Variants in LRIG1 observed in about 807,000 individuals in gnomAD.
LRIG1 encodes the protein leucine-rich repeats and immunoglobulin-like domains protein 1.
LRIG1 carries 48 observed loss-of-function variants against 99.2 expected under a neutral mutation model. The ratio of observed to expected loss-of-function variants is 0.48; its 90% CI spans 0.38 to 0.62. The LOEUF (loss-of-function observed/expected upper bound fraction) is 0.62. Among genes scored for constraint, LRIG1 ranks in the 20% least tolerant of loss-of-function variants. The pLI is 0.00. For synonymous variants in LRIG1, 772 were observed against 596.1 expected, an observed-to-expected ratio of 1.29 and a Z score of -4.30; for missense variants, 1,646 against 1,434.4, an observed-to-expected ratio of 1.15 and a Z score of -2.38.
intron 17 of LRIG1, 93 bp downstream of exon 17, chr3:66,381,386 C>A: frequency 7.7e-7 from 1 of 1,296,210 alleles, no homozygotes; most frequent in Admixed American, 1.9e-5. Flanking sequence ...CAGCTGTGGA[C>A]TAGGAATGTG....
Position 66,405,293 on chromosome 3 carries a change from G to T in LRIG1, c.1080-15C>A, listed in dbSNP as rs1291100116. On this transcript the variant is annotated splice_polypyrimidine_tract_variant and intron_variant, in intron 8 of 18. Transcript: ENST00000273261. ...GGTCCAGATCCCTGGGGAGAGGACA[G>T]AAAGCAGCTCACCGAGCAGTCGGGG... 6.2e-7 allele frequency: 1 copy of T among 1,606,664 alleles called. No homozygotes were observed. The highest frequency in any genetic ancestry group is 8.5e-7 in the Non-Finnish European group (1 of 1,173,326).
Position 66,500,267 on chromosome 3 carries a change from G to C in LRIG1, c.141C>G (p.Cys47Trp). Residue 47 changes from cysteine (C) to tryptophan (W), a missense_variant, in exon 1 of 19, where the codon TGC becomes TGG. By Grantham distance (215) the Cys-to-Trp change is radical. Transcript: ENST00000273261. ...CACCGCAGTCCAGCGAGTCCCCAGC[G>C]CAAGTGCAGGCGGCCGCGCAGGGCG... ...PRAPCAAACT[C>W]AGDSLDCGGR... 2 of 1,498,586 alleles carry C rather than the reference G, an allele frequency of 1.3e-6. No individual in the cohort carries two copies. Among genetic ancestry groups the C allele is most frequent in the Admixed American group, 4.3e-5 (2 of 46,304 alleles). The allele number at this position is 1,498,586 out of a possible 1,614,324, so 92.8% of individuals were successfully genotyped here.
Position 66,386,103 on chromosome 3 carries a change from A to T in LRIG1, c.1667T>A (p.Met556Lys). ...GAGGTGCAGGATGGTGGTGTACTCC[A>T]TCACTTCCCCGTCCTGCGCGTGGAC... ...VHVHAQDGEV[M>K]EYTTILHLRQ... is the part of the protein sequence containing the mutation. The change falls in exon 13 of 19, where the codon ATG becomes AAG. Residue 556 changes from methionine to lysine, a missense_variant. By Grantham distance (95) the Met-to-Lys change is moderately conservative. Transcript: ENST00000273261. 6.2e-7 allele frequency: 1 copy of T among 1,614,176 alleles called. No homozygotes were observed. Among genetic ancestry groups the T allele is most frequent in the Non-Finnish European group, 8.5e-7 (1 of 1,180,038 alleles).
At chr3:66,388,715 A>G (rs1325219977) in intron 12 of LRIG1, among the ~76,000 whole-genome samples, 2 of 152,256 alleles carry the variant, frequency 1.3e-5, no homozygotes, top group Non-Finnish European at 2.9e-5. Context: ...AATTACTGAA[A>G]GAAAAACGTT....
intron 15 of LRIG1, 101 bp downstream of exon 15, chr3:66,382,881 A>C: frequency 9.3e-7 from 1 of 1,072,226 alleles, no homozygotes; most frequent in South Asian, 1.6e-5. Context: ...AGTTCTGAAC[A>C]CAGTGCAATT....
intron 1 of LRIG1, 70 bp from the exon 2 acceptor site, chr3:66,462,579 C>G (rs1700379517): frequency 9.4e-7 from 1 of 1,066,474 alleles, no homozygotes. Flanking sequence ...CAGAAATCTT[C>G]TCTTCTCCTG....
chr3:66,433,893 T>C (rs951366725), intron 3 of LRIG1, among the ~76,000 whole-genome samples: 3 of 152,256 alleles, frequency 2.0e-5, no homozygotes, highest in Non-Finnish European at 2.9e-5. Flanking sequence ...TGCTGTTTCT[T>C]TTGTGGAACC....
chr3:66,455,319 A>G (rs1048690902), intron 2 of LRIG1, among the ~76,000 whole-genome samples: 2 of 152,204 alleles, frequency 1.3e-5, no homozygotes, highest in African/African-American at 4.8e-5. Flanking sequence ...CCATTTCAAA[A>G]AAGAATACAT....
chr3:66,396,863 T>C (rs1374106196), intron 11 of LRIG1, among the ~76,000 whole-genome samples: 14 of 152,222 alleles, frequency 9.2e-5, no homozygotes, highest in Admixed American at 9.2e-4. Context: ...TCATTCCACT[T>C]GCTTTACTGC....
At chr3:66,394,537 G>A (rs2107969738) in intron 11 of LRIG1, among the ~76,000 whole-genome samples, 1 of 152,300 alleles carries the variant, frequency 6.6e-6, no homozygotes, top group African/African-American at 2.4e-5. Flanking sequence ...GCCATGTTCT[G>A]GGACAGACAC....
intron 1 of LRIG1, among the ~76,000 whole-genome samples, chr3:66,496,589 A>C (rs553879523): frequency 4.6e-5 from 7 of 152,354 alleles, no homozygotes; most frequent in African/African-American, 1.7e-4. Flanking sequence ...ATTCTTGGCA[A>C]TTAACCTGTG....
intron 1 of LRIG1, among the ~76,000 whole-genome samples, chr3:66,484,450 A>G (rs1319263532): frequency 6.6e-6 from 1 of 152,214 alleles, no homozygotes; most frequent in African/African-American, 2.4e-5. Context: ...AGCACTGCAG[A>G]ATCCTCACGA....
chr3:66,400,766 C>G (rs947808691), intron 9 of LRIG1, among the ~76,000 whole-genome samples: 1 of 152,192 alleles, frequency 6.6e-6, no homozygotes, highest in Non-Finnish European at 1.5e-5. Flanking sequence ...TGAAGCAAAC[C>G]AAAGATGGCA....
chr3:66,496,988 T>C (rs532728066), intron 1 of LRIG1, among the ~76,000 whole-genome samples: 2 of 152,368 alleles, frequency 1.3e-5, no homozygotes, highest in South Asian at 4.1e-4. Context: ...TTGCCAAAAC[T>C]GGCAAGGTTA....
chr3:66,475,201 C>A (rs1415474763), intron 1 of LRIG1, among the ~76,000 whole-genome samples: 1 of 152,188 alleles, frequency 6.6e-6, no homozygotes, highest in Non-Finnish European at 1.5e-5. Context: ...TTTGACAAAT[C>A]GAGGTTTGTC....
chr3:66,446,644 G>C (rs1220934213), intron 3 of LRIG1, among the ~76,000 whole-genome samples: 1 of 151,946 alleles, frequency 6.6e-6, no homozygotes, highest in African/African-American at 2.4e-5. Context: ...GACCTCAGGT[G>C]ATCCACCTGC....
intron 3 of LRIG1, among the ~76,000 whole-genome samples, chr3:66,422,847 T>C (rs1702863215): frequency 6.6e-6 from 1 of 152,262 alleles, no homozygotes; most frequent in African/African-American, 2.4e-5. Flanking sequence ...CAGTTCCACC[T>C]GGCTGGAGAG....
At chr3:66,499,885 C>T (rs2106949297) in intron 1 of LRIG1, among the ~76,000 whole-genome samples, 1 of 149,714 alleles carries the variant, frequency 6.7e-6, no homozygotes, top group South Asian at 2.2e-4. Context: ...TCACTCACCC[C>T]CAGATGGCCC....
At chr3:66,400,546 G>A (rs1283093607) in intron 9 of LRIG1, among the ~76,000 whole-genome samples, 1 of 152,104 alleles carries the variant, frequency 6.6e-6, no homozygotes, top group Non-Finnish European at 1.5e-5. Flanking sequence ...GTGCAGGTGG[G>A]CAGGAGAGGA....
Sources: allele counts gnomAD v4.1 joint callset (sites outside exome capture counted in the v4.1 genomes callset), GRCh38; gene constraint gnomAD v4.1.1; transcripts MANE v1.5; gene names NCBI Gene and HGNC (gene_info 2026-07-23, HGNC 2026-07-21).